The following RBBP8NL variants were observed in gnomAD, a reference collection of about 807,000 sequenced individuals.
RBBP8NL encodes the protein RBBP8 N-terminal like, also known as RBBP8 N-terminal-like protein.
RBBP8NL carries 59 observed loss-of-function variants against 62.2 expected under a neutral mutation model. The ratio of observed to expected loss-of-function variants is 0.95; its 90% CI spans 0.77 to 1.18. RBBP8NL has a LOEUF of 1.18. Ranked by LOEUF, RBBP8NL falls within the 50% of genes most tolerant of loss-of-function variation. The pLI, the probability that RBBP8NL is intolerant of heterozygous loss-of-function variation, is 0.00. For synonymous variants in RBBP8NL, 412 were observed against 394.1 expected, an observed-to-expected ratio of 1.05 and a Z score of -0.54; for missense variants, 896 against 899.5, an observed-to-expected ratio of 1.00 and a Z score of 0.05.
At chr20:62,422,154 C>T (rs544718992) in intron 1 of RBBP8NL, among the ~76,000 whole-genome samples, 2 of 152,328 alleles carry the variant, frequency 1.3e-5, no homozygotes, top group Admixed American at 1.3e-4. Flanking sequence ...GGAGGCCATG[C>T]CCAAGGCCTC....
At chr20:62,417,159 G>A in intron 4 of RBBP8NL, 65 bp downstream of exon 4, 1 of 1,254,150 alleles carries the variant, frequency 8.0e-7, no homozygotes, top group Non-Finnish European at 1.1e-6. Context: ...GAGGAGCCCT[G>A]TCACCTCCTC....
At chr20:62,426,080 C>T (rs1026039165) in intron 1 of RBBP8NL, among the ~76,000 whole-genome samples, 1 of 151,124 alleles carries the variant, frequency 6.6e-6, no homozygotes, top group African/African-American at 2.4e-5. Context: ...GTGACAGTGG[C>T]AGTGGAAGTA....
chr20:62,422,688 T>G (rs116586824), intron 1 of RBBP8NL, among the ~76,000 whole-genome samples: 1,103 of 44,352 alleles, frequency 0.025, 15 homozygotes, highest in African/African-American at 0.073. Flanking sequence ...GTGGGGATGG[T>G]GACTGGAGCC....
At chr20:62,411,645 C>T (rs1479925996) in intron 13 of RBBP8NL, among the ~76,000 whole-genome samples, 2 of 152,268 alleles carry the variant, frequency 1.3e-5, no homozygotes, top group East Asian at 1.9e-4. Flanking sequence ...CTGGCTCTGG[C>T]GCTGAGCTGT....
chr20:62,418,498 G>A, intron 2 of RBBP8NL, 33 bp from the exon 3 acceptor site: 1 of 1,539,292 alleles, frequency 6.5e-7, no homozygotes, highest in South Asian at 1.2e-5. Context: ...GGGGGGTCAG[G>A]CCCAGCTGCT....
At chr20:62,411,025 G>C (rs757516261) in intron 13 of RBBP8NL, 29 bp from the exon 14 acceptor site, 1 of 1,465,110 alleles carries the variant, frequency 6.8e-7, no homozygotes, top group Non-Finnish European at 9.6e-7. Context: ...GGTCAGGCCG[G>C]AGCTGTGTGC....
At position 62,412,909 on chromosome 20, in the gene RBBP8NL, T is replaced by C. The variant is rs867924218; in HGVS notation, c.1676-9A>G. 2 of 1,612,902 alleles carry C rather than the reference T, an allele frequency of 1.2e-6. No individual in the cohort carries two copies. The highest frequency in any genetic ancestry group is 3.3e-4 in the Middle Eastern group (2 of 6,060). Reference sequence around the variant, plus strand: ...TTCAGCCTTGCTGGGCTCTGAAGGATGCAGAGTGTGGGGTCAGGCCAGGCT... The same window carrying C: ...TTCAGCCTTGCTGGGCTCTGAAGGACGCAGAGTGTGGGGTCAGGCCAGGCT... On this transcript the variant is annotated splice_polypyrimidine_tract_variant and intron_variant, in intron 11 of 13. Transcript: ENST00000252998.
chr20:62,417,157 C>G, intron 4 of RBBP8NL, 67 bp downstream of exon 4: 2 of 1,221,158 alleles, frequency 1.6e-6, no homozygotes, highest in South Asian at 2.7e-5. Context: ...CCGAGGAGCC[C>G]TGTCACCTCC....
Position 62,419,698 on chromosome 20 carries a change from G to C in RBBP8NL, c.-51C>G, listed in dbSNP as rs757098725. On this transcript the variant is annotated 5_prime_UTR_variant, in exon 2 of 14. Transcript: ENST00000252998. ...CCCTCTGCGCTGGGGTTGTGGAGACGCCTGCAGCCTCTACTGCCCCTCTGT... is the reference window on the plus strand; with the variant it reads ...CCCTCTGCGCTGGGGTTGTGGAGACCCCTGCAGCCTCTACTGCCCCTCTGT... The C allele has an allele frequency of 3.2e-6, 5 of 1,581,036 alleles. No homozygotes were observed. In the East Asian group the frequency reaches 1.1e-4, roughly 35 times the overall value.
At chr20:62,423,366 A>G (rs1013002655) in intron 1 of RBBP8NL, among the ~76,000 whole-genome samples, 6 of 152,134 alleles carry the variant, frequency 3.9e-5, no homozygotes, top group African/African-American at 1.4e-4. Flanking sequence ...CGTCCTCCCC[A>G]TGGCTCTGGT....
In RBBP8NL at chr20:62,410,925, C is replaced by T. The variant is rs142926001; in HGVS notation, c.1948G>A (p.Glu650Lys). The T allele has an allele frequency of 4.2e-5, 68 of 1,613,472 alleles. No individual in the cohort carries two copies. Among genetic ancestry groups the T allele is most frequent in the African/African-American group, 1.6e-4 (12 of 74,940 alleles). Residue 650 changes from glutamate to lysine, a missense_variant, in exon 14 of 14, where the codon GAG becomes AAG. Transcript: ENST00000252998. Reference protein sequence around the residue: ...TEGPGSPRDAEDHSPSPNSSP... With the variant: ...TEGPGSPRDAKDHSPSPNSSP... ...CTGTTGGGGGAGGGACTGTGGTCCT[C>T]GGCGTCCCTTGGGCTCCCGGGCCCC...
intron 2 of RBBP8NL, among the ~76,000 whole-genome samples, chr20:62,419,332 C>G (rs1203003178): frequency 2.0e-5 from 3 of 152,166 alleles, no homozygotes; most frequent in African/African-American, 7.2e-5. Context: ...GCCCCTCCCC[C>G]TCGGGGTCAC....
At chr20:62,425,309 G>A (rs1004298114) in intron 1 of RBBP8NL, among the ~76,000 whole-genome samples, 4 of 152,294 alleles carry the variant, frequency 2.6e-5, no homozygotes, top group Admixed American at 2.6e-4. Context: ...AAGTCTCATT[G>A]CCACAAAGGC....
intron 1 of RBBP8NL, among the ~76,000 whole-genome samples, chr20:62,427,133 A>C (rs894321155): frequency 1.3e-5 from 2 of 152,142 alleles, no homozygotes; most frequent in Non-Finnish European, 2.9e-5. Flanking sequence ...CCCAGGGTGG[A>C]GGGCGAGGCC....
At position 62,418,542 on chromosome 20, in the gene RBBP8NL, G is replaced by A. The variant is rs1044049424; in HGVS notation, c.62-77C>T. ...TTCAGTGTCCCCACCACGGGGTCTG[G>A]GCAGAGCTGCAATGTGGCACTCCTG... On this transcript the variant is annotated intron_variant, in intron 2 of 13. Coordinates refer to ENST00000252998, the MANE Select transcript of RBBP8NL (RefSeq NM_080833.3). 5.8e-6 allele frequency: 8 copies of A among 1,389,350 alleles called. No homozygotes were observed. In the African/African-American group the frequency reaches 1.1e-4, roughly 20 times the overall value. The allele number at this position is 1,389,350 out of a possible 1,614,324, so 86.1% of individuals were successfully genotyped here. A position where few individuals can be genotyped will look rare whatever the true frequency, so the allele number is the denominator to read the frequency against.
Position 62,417,493 on chromosome 20 carries a change from T to A in RBBP8NL, c.105-174A>T, listed in dbSNP as rs1323259889. Among the ~76,000 whole-genome samples, 325 of 134,022 alleles carry A rather than the reference T, an allele frequency of 2.4e-3. 3 individuals are homozygous for A. The highest frequency in any genetic ancestry group is 0.011 in the African/African-American group (303 of 27,070). The allele number at this position is 134,022 out of a possible 152,430, so 87.9% of individuals were successfully genotyped here. On this transcript the variant is annotated intron_variant, in intron 3 of 13. Transcript: ENST00000252998. ...TCTGCACGCTCCTCTGTGACGTCTG[T>A]CCCGTCCACGCAGCCCCCCCAGTCA...
chr20:62,424,264 G>T (rs928648006), intron 1 of RBBP8NL, among the ~76,000 whole-genome samples: 10 of 151,648 alleles, frequency 6.6e-5, no homozygotes, highest in African/African-American at 2.4e-4. Context: ...CTAGTGAGCC[G>T]CTGTCCCACC....
At chr20:62,417,362 G>T in intron 3 of RBBP8NL, 43 bp from the exon 4 acceptor site, 1 of 1,463,306 alleles carries the variant, frequency 6.8e-7, no homozygotes, top group Non-Finnish European at 9.2e-7. Flanking sequence ...TTCCATCCAG[G>T]AAGCCACACG....
rs1448175939 is a variant in RBBP8NL at position 62,414,472 on chromosome 20, G to A, written c.879C>T (p.Asn293=). ...TCTGAAGGTGCAGGGACAGGGGGCG[G>A]TTTAGGAGGCAGAGCCGGTCCACCT... is the stretch of plus-strand genomic sequence containing the variant. ...SPKVDRLCLL[N]RPLSLHLQSP... Residue 293 remains asparagine, a synonymous_variant, in exon 10 of 14, where the codon AAC becomes AAT. Transcript: ENST00000252998. 1.4e-6 allele frequency: 2 copies of A among 1,479,100 alleles called. No individual in the cohort carries two copies. The highest frequency in any genetic ancestry group is 1.4e-5 in the African/African-American group (1 of 71,426). 91.6% of individuals were successfully genotyped at this position (1,479,100 alleles called of 1,614,324 possible).
Sources: gnomAD v4.1 joint callset for allele counts (sites outside exome capture counted in the v4.1 genomes callset) on GRCh38, gnomAD v4.1.1 for gene constraint, MANE v1.5 for transcripts, NCBI Gene and HGNC (gene_info 2026-07-23, HGNC 2026-07-21) for gene names.